Variants in SLCO3A1 observed in about 807,000 individuals in gnomAD.
SLCO3A1 encodes the protein PGE1 transporter.
In SLCO3A1, 27 loss-of-function variants were observed where a neutral mutation model predicts 63.1. The observed-to-expected ratio is 0.43, with a 90% CI of 0.32 to 0.59. The LOEUF (loss-of-function observed/expected upper bound fraction) is 0.59, where lower values mean the gene tolerates loss of function less well. SLCO3A1 is among the 20% of genes least tolerant of loss of function. The probability of loss-of-function intolerance (pLI) is 0.09; values close to 1 mark genes in which losing one functional copy is unlikely to be tolerated. For missense variants in SLCO3A1, 773 were observed against 945.8 expected (o/e 0.82, Z 2.40); for synonymous variants, 473 against 409.9 (o/e 1.15, Z -1.86).
In SLCO3A1 at chr15:91,856,253, C is replaced by A. The variant is rs1450700729; in HGVS notation, c.180+2165C>A. ...GTAACAGGAGTCAACAGGTGACTTG[C>A]AGAAAGCAGCTGGAGGCCCAGGAGA... On this transcript the variant is annotated intron_variant, in intron 1 of 9. Transcript: ENST00000318445. The surrounding 1 kb of genome is among the most constrained non-coding windows in gnomAD (Gnocchi z 4.9). 6.6e-6 allele frequency among the ~76,000 whole-genome samples: 1 copy of A among 152,032 alleles called. No homozygotes were observed. Among genetic ancestry groups the A allele is most frequent in the African/African-American group, 2.4e-5 (1 of 41,396 alleles).
At chr15:91,997,388 T>C (rs2046204224) in intron 2 of SLCO3A1, among the ~76,000 whole-genome samples, 1 of 152,190 alleles carries the variant, frequency 6.6e-6, no homozygotes, top group Admixed American at 6.5e-5. Flanking sequence ...CATCCCATGC[T>C]CATGAATTGG....
chr15:91,959,088 C>T (rs900724558), intron 2 of SLCO3A1, among the ~76,000 whole-genome samples: 34 of 152,118 alleles, frequency 2.2e-4, no homozygotes, highest in African/African-American at 7.5e-4. Context: ...ACTACTCAAC[C>T]ATAAAAAGGA....
intron 1 of SLCO3A1, among the ~76,000 whole-genome samples, chr15:91,877,786 C>A (rs911071573): frequency 6.6e-6 from 1 of 152,012 alleles, no homozygotes; most frequent in African/African-American, 2.4e-5. Context: ...TAGAAGGAGG[C>A]GTTTTAGGAA....
At chr15:92,002,720 C>G (rs1294515995) in intron 2 of SLCO3A1, among the ~76,000 whole-genome samples, 1 of 152,180 alleles carries the variant, frequency 6.6e-6, no homozygotes, top group Non-Finnish European at 1.5e-5. Flanking sequence ...AGGAGACTCA[C>G]TTTTTATTGA....
At chr15:92,168,540 ATC>A (rs1326688328), downstream of SLCO3A1, among the ~76,000 whole-genome samples, 1 of 152,154 alleles carries the variant, frequency 6.6e-6, no homozygotes, top group East Asian at 1.9e-4. Flanking sequence ...TCGTGTGCTG[ATC>A]TCTGTTCTCT....
intron 3 of SLCO3A1, among the ~76,000 whole-genome samples, chr15:92,102,520 C>T (rs779333404): frequency 6.6e-6 from 1 of 152,132 alleles, no homozygotes; most frequent in Non-Finnish European, 1.5e-5. Flanking sequence ...AGCTAAGACT[C>T]AAGGAGGGTA....
chr15:92,108,949 G>C (rs2047697219), intron 4 of SLCO3A1, among the ~76,000 whole-genome samples: 1 of 152,030 alleles, frequency 6.6e-6, no homozygotes, highest in South Asian at 2.1e-4. Flanking sequence ...CTCTTTGCTT[G>C]TCTGTATCTG....
At chr15:91,867,418 C>T (rs1372676722) in intron 1 of SLCO3A1, among the ~76,000 whole-genome samples, 3 of 152,146 alleles carry the variant, frequency 2.0e-5, no homozygotes, top group African/African-American at 7.2e-5. Context: ...GACAAAATGA[C>T]ACCTCTGTAT....
In SLCO3A1 at chr15:91,860,581, G is replaced by T. The variant is rs1265384852; in HGVS notation, c.180+6493G>T. ...GCCAAGGCTTCTGTTTCCTAAACTGGTGATCTGGGCTCCTGAAGCTTGCTC... is the reference window on the plus strand; with the variant it reads ...GCCAAGGCTTCTGTTTCCTAAACTGTTGATCTGGGCTCCTGAAGCTTGCTC... On this transcript the variant is annotated intron_variant, in intron 1 of 9. Coordinates refer to ENST00000318445, the MANE Select transcript of SLCO3A1 (RefSeq NM_013272.4). This position sits in a 1 kb window ranked among gnomAD's most constrained non-coding sequence, Gnocchi z 5.5. Among the ~76,000 whole-genome samples, 1 of 152,212 alleles carries T rather than the reference G, an allele frequency of 6.6e-6. No individual in the cohort carries two copies. The highest frequency in any genetic ancestry group is 1.5e-5 in the Non-Finnish European group (1 of 68,032).
intron 1 of SLCO3A1, among the ~76,000 whole-genome samples, chr15:91,866,464 A>G (rs1897166185): frequency 6.6e-6 from 1 of 151,648 alleles, no homozygotes; most frequent in Non-Finnish European, 1.5e-5. Flanking sequence ...CCAGGTATGT[A>G]TTAAGTTAGC....
chr15:92,101,897 A>G (rs959529028), intron 3 of SLCO3A1, among the ~76,000 whole-genome samples: 4 of 152,126 alleles, frequency 2.6e-5, no homozygotes, highest in Non-Finnish European at 5.9e-5. Context: ...AGCTTTCCCC[A>G]GACATACACA....
chr15:92,010,585 T>C (rs529480887), intron 2 of SLCO3A1, among the ~76,000 whole-genome samples: 3 of 152,356 alleles, frequency 2.0e-5, no homozygotes, highest in African/African-American at 4.8e-5. Context: ...AGGCATTTGC[T>C]TCCTGTTACA....
chr15:92,154,643 TG>T lies in SLCO3A1; in HGVS notation c.1753+3630del, dbSNP rs200464190. ...AGAGGGCAGGAGCTAGAAATGAATG[TG>T]AGATCGGTCTCCCTTGTTGCTTTAC... On this transcript the variant is annotated intron_variant, in intron 9 of 9. Transcript: ENST00000318445. Among the ~76,000 whole-genome samples, 1,109 of 152,154 alleles carry T rather than the reference TG, an allele frequency of 7.3e-3. 50 individuals are homozygous for T. Among genetic ancestry groups the T allele is most frequent in the Admixed American group, 0.066 (1,006 of 15,284 alleles).
At chr15:92,095,123 T>G in intron 3 of SLCO3A1, 144 bp downstream of exon 3, 1 of 605,588 alleles carries the variant, frequency 1.7e-6, no homozygotes, top group South Asian at 2.0e-5. Context: ...TCACCCGAGA[T>G]TAGATGAAAG....
chr15:92,102,089 A>G lies in SLCO3A1; in HGVS notation c.746-2190A>G, dbSNP rs1285526445. Among the ~76,000 whole-genome samples the G allele has an allele frequency of 2.0e-5, 3 of 152,046 alleles. No homozygotes were observed. The East Asian group carries it at 5.8e-4, about 29-fold the overall frequency. On this transcript the variant is annotated intron_variant, in intron 3 of 9. Transcript: ENST00000318445. ...AGGATTTCTCTCTCTTTACCCGCTC[A>G]CATCTGCCAGCTTTTCAATTCCCCC... is the stretch of plus-strand genomic sequence containing the variant.
At chr15:92,093,570 G>C (rs1290957252) in intron 2 of SLCO3A1, among the ~76,000 whole-genome samples, 1 of 152,108 alleles carries the variant, frequency 6.6e-6, no homozygotes, top group Non-Finnish European at 1.5e-5. Context: ...AAAACCATTT[G>C]CCTTCCTCTG....
chr15:92,126,871 C>T (rs771296912), intron 6 of SLCO3A1, among the ~76,000 whole-genome samples: 1 of 152,212 alleles, frequency 6.6e-6, no homozygotes, highest in Non-Finnish European at 1.5e-5. Context: ...TAGCTGTCCC[C>T]TTTTCCACAT....
At chr15:92,078,563 T>G (rs2047306736) in intron 2 of SLCO3A1, among the ~76,000 whole-genome samples, 1 of 152,206 alleles carries the variant, frequency 6.6e-6, no homozygotes, top group South Asian at 2.1e-4. Context: ...CCTCACATCT[T>G]GGGGCTCTCC....
chr15:91,868,164 G>A lies in SLCO3A1; in HGVS notation c.180+14076G>A, dbSNP rs556600800. Among the ~76,000 whole-genome samples the A allele has an allele frequency of 2.9e-4, 44 of 151,924 alleles. No homozygotes were observed. In the South Asian group the frequency reaches 5.6e-3, roughly 19 times the overall value. ...CCTCCTGGGTTCAAGTAGTTCTCCC[G>A]CCTCAGCCTCTCTAGTAGCTGGGAT... On this transcript the variant is annotated intron_variant, in intron 1 of 9. Transcript: ENST00000318445.
Sources: allele counts gnomAD v4.1 joint callset (sites outside exome capture counted in the v4.1 genomes callset), GRCh38; gene constraint gnomAD v4.1.1; non-coding constraint Gnocchi (gnomAD v3.1); transcripts MANE v1.5; gene names NCBI Gene and HGNC (gene_info 2026-07-23, HGNC 2026-07-21).